Variants in LRRC37A3 observed in about 807,000 individuals in gnomAD.
LRRC37A3 encodes leucine-rich repeat-containing protein 37A3.
In LRRC37A3, 25 loss-of-function variants were observed where a neutral mutation model predicts 106.2. That is an observed-to-expected ratio of 0.24 (90% CI 0.17 to 0.33). The LOEUF is 0.33. LRRC37A3 is among the 10% of genes least tolerant of loss of function. LRRC37A3 has a pLI of 1.00. For missense variants in LRRC37A3, 712 were observed against 1,644.9 expected, an observed-to-expected ratio of 0.43 and a Z score of 9.81; for synonymous variants, 305 against 635.8, an observed-to-expected ratio of 0.48 and a Z score of 7.83.
chr17:64,898,842 C>T (rs1974212833), intron 2 of LRRC37A3: 1 of 540,240 alleles, frequency 1.9e-6, no homozygotes, highest in South Asian at 6.7e-5. Context: ...GAAACAATCC[C>T]TATTTAAGAG....
intron 2 of LRRC37A3, among the ~76,000 whole-genome samples, chr17:64,918,390 T>C (rs1303348217): frequency 6.6e-6 from 1 of 151,418 alleles, no homozygotes; most frequent in Non-Finnish European, 1.5e-5. Flanking sequence ...TTTTCTTTTT[T>C]CTTTATTACC....
At chr17:64,901,295 T>C (rs2665155) in intron 2 of LRRC37A3, 1 of 151,374 alleles carries the variant, frequency 6.6e-6, no homozygotes, top group African/African-American at 2.5e-5. Context: ...TCAATCATAA[T>C]ATGATTAAAA....
intron 10 of LRRC37A3, among the ~76,000 whole-genome samples, chr17:64,864,084 C>A (rs868400669): frequency 7.1e-4 from 107 of 151,726 alleles, no homozygotes; most frequent in African/African-American, 2.4e-3. Flanking sequence ...CCACCTCGGC[C>A]TTCCAAAGTG....
At chr17:64,884,428 C>T (rs1174137793) in intron 8 of LRRC37A3, among the ~76,000 whole-genome samples, 6 of 151,518 alleles carry the variant, frequency 4.0e-5, no homozygotes, top group Non-Finnish European at 8.8e-5. Flanking sequence ...TGCAATGGTG[C>T]CATCTCGGCT....
chr17:64,910,228 T>C (rs1474560515), intron 2 of LRRC37A3: 1 of 152,310 alleles, frequency 6.6e-6, no homozygotes, highest in African/African-American at 2.4e-5. Context: ...TGAGAAATCC[T>C]AGACAGTTTT....
At chr17:64,877,899 C>T (rs957316743) in intron 8 of LRRC37A3, among the ~76,000 whole-genome samples, 7 of 151,476 alleles carry the variant, frequency 4.6e-5, no homozygotes, top group African/African-American at 9.7e-5. Context: ...AACAATTCTA[C>T]GTGGAAATAA....
At chr17:64,865,928 C>G (rs1399563091) in intron 10 of LRRC37A3, among the ~76,000 whole-genome samples, 1 of 152,068 alleles carries the variant, frequency 6.6e-6, no homozygotes, top group African/African-American at 2.4e-5. Flanking sequence ...AGTATACTGA[C>G]AAATCTTTGA....
chr17:64,916,523 T>C (rs2143639169), intron 2 of LRRC37A3, among the ~76,000 whole-genome samples: 1 of 150,788 alleles, frequency 6.6e-6, no homozygotes, highest in African/African-American at 2.4e-5. Context: ...ATGCCTGTAA[T>C]CTCAGCACTT....
At chr17:64,912,730 G>A (rs1335769676) in intron 2 of LRRC37A3, among the ~76,000 whole-genome samples, 21 of 147,650 alleles carry the variant, frequency 1.4e-4, no homozygotes, top group African/African-American at 4.8e-4. Flanking sequence ...AAAGAAAAAC[G>A]AAAAAACAAG....
chr17:64,873,865 G>A (rs994772632), intron 8 of LRRC37A3, among the ~76,000 whole-genome samples: 3 of 152,096 alleles, frequency 2.0e-5, no homozygotes, highest in African/African-American at 7.2e-5. Context: ...ACAGAAAAAA[G>A]GAGAAAGAAT....
chr17:64,860,352 A>G lies in LRRC37A3; in HGVS notation c.3794T>C (p.Leu1265Pro), dbSNP rs1257472753. The change falls in exon 12 of 15, where the codon CTA becomes CCA. Residue 1265 changes from leucine to proline, a missense_variant. By Grantham distance (98) the Leu-to-Pro change is moderately conservative. Coordinates refer to ENST00000584306, the MANE Select transcript of LRRC37A3 (RefSeq NM_199340.5). ...TTTCCATCTGTCTCTCACCTGTGGT[A>G]GGGCTTTTGCAGGGCTGGAGGTAGA... ...APSTSSPAKA[L>P]PQVRDRWKDL... 3.2e-5 allele frequency: 52 copies of G among 1,613,848 alleles called. No homozygotes were observed. Among genetic ancestry groups the G allele is most frequent in the Non-Finnish European group, 3.5e-5 (41 of 1,179,880 alleles).
chr17:64,881,264 A>G, intron 8 of LRRC37A3: 1 of 693,394 alleles, frequency 1.4e-6, no homozygotes, highest in Non-Finnish European at 2.6e-6. Context: ...TTTTTTTGAG[A>G]TGAAGTCTCA....
At chr17:64,864,446 T>C (rs1401649843) in intron 10 of LRRC37A3, among the ~76,000 whole-genome samples, 1 of 152,226 alleles carries the variant, frequency 6.6e-6, no homozygotes, top group Admixed American at 6.5e-5. Flanking sequence ...TACTATTCTT[T>C]CATCTTTCTG....
At chr17:64,867,401 C>T (rs946331951) in intron 10 of LRRC37A3, among the ~76,000 whole-genome samples, 2 of 151,614 alleles carry the variant, frequency 1.3e-5, no homozygotes, top group Non-Finnish European at 2.9e-5. Flanking sequence ...TCCACACAAC[C>T]GGAATACTAC....
intron 10 of LRRC37A3, among the ~76,000 whole-genome samples, chr17:64,863,971 A>ATTTTT (rs1218172930): frequency 4.7e-5 from 6 of 129,014 alleles, no homozygotes; most frequent in African/African-American, 1.2e-4. Flanking sequence ...TGCCCAGCTA[A>ATTTTT]TTTTTTTTTT....
At chr17:64,863,480 A>T (rs1972947093) in intron 10 of LRRC37A3, 1 of 176,944 alleles carries the variant, frequency 5.7e-6, no homozygotes, top group Non-Finnish European at 1.2e-5. Context: ...AATAACAAAG[A>T]CTGCATTGGT....
In LRRC37A3 at chr17:64,858,822, G is replaced by A. The variant is rs143748122; in HGVS notation, c.4766C>T (p.Thr1589Ile). The change falls in exon 13 of 15, where the codon ACT becomes ATT. Residue 1589 changes from threonine to isoleucine, a missense_variant. Thr to Ile is a moderately conservative substitution (Grantham distance 89). Transcript: ENST00000584306. Reference protein sequence around the residue: ...TKKLILALIVTGILTILIILL... With the variant: ...TKKLILALIVIGILTILIILL... ...TATAATCAAAATCGTTAGTATTCCAGTCACAATTAACGCCAAGATGAGTTT... is the reference window on the plus strand; with the variant it reads ...TATAATCAAAATCGTTAGTATTCCAATCACAATTAACGCCAAGATGAGTTT... 23 of 1,612,958 alleles carry A rather than the reference G, an allele frequency of 1.4e-5. No individual in the cohort carries two copies. In the African/African-American group the frequency reaches 2.3e-4, roughly 16 times the overall value.
chr17:64,879,367 A>G (rs1973615487), intron 8 of LRRC37A3, among the ~76,000 whole-genome samples: 2 of 150,490 alleles, frequency 1.3e-5, no homozygotes, highest in African/African-American at 2.4e-5. Flanking sequence ...AGCATGTTGT[A>G]CTGTATAGAA....
At chr17:64,863,367 A>G (rs1381464200) in intron 10 of LRRC37A3, 10 of 271,346 alleles carry the variant, frequency 3.7e-5, no homozygotes, top group Non-Finnish European at 5.0e-5. Context: ...TAAGCCCCCA[A>G]CTTCCGGAGT....
Sources: gnomAD v4.1 joint callset for allele counts (sites outside exome capture counted in the v4.1 genomes callset) on GRCh38, gnomAD v4.1.1 for gene constraint, MANE v1.5 for transcripts, NCBI Gene and HGNC (gene_info 2026-07-23, HGNC 2026-07-21) for gene names.